The following GPR137C variants were observed in gnomAD, a reference collection of about 807,000 sequenced individuals.
GPR137C encodes integral membrane protein GPR137C.
A neutral mutation model predicts 43.4 loss-of-function variants in GPR137C; 27 were observed. The ratio of observed to expected loss-of-function variants is 0.62; its 90% CI spans 0.46 to 0.86. The LOEUF (loss-of-function observed/expected upper bound fraction) is 0.86, where lower values mean the gene tolerates loss of function less well. GPR137C is among the 40% of genes least tolerant of loss of function. The pLI, the probability that GPR137C is intolerant of heterozygous loss-of-function variation, is 0.00. For missense variants in GPR137C, 522 were observed against 534.6 expected, an observed-to-expected ratio of 0.98 and a Z score of 0.23; for synonymous variants, 285 against 226.9, an observed-to-expected ratio of 1.26 and a Z score of -2.30.
chr14:52,567,291 T>C (rs547674909), intron 1 of GPR137C, among the ~76,000 whole-genome samples: 47 of 152,262 alleles, frequency 3.1e-4, no homozygotes, highest in African/African-American at 1.0e-3. Context: ...ATACTTTAAA[T>C]AGCAGAACAT....
intron 1 of GPR137C, among the ~76,000 whole-genome samples, chr14:52,569,021 C>T (rs765984321): frequency 1.3e-5 from 2 of 152,168 alleles, no homozygotes; most frequent in African/African-American, 2.4e-5. Context: ...CAGCAAGGGG[C>T]GACAGACACC....
At chr14:52,585,961 C>T (rs1395733927) in intron 1 of GPR137C, among the ~76,000 whole-genome samples, 1 of 152,194 alleles carries the variant, frequency 6.6e-6, no homozygotes, top group African/African-American at 2.4e-5. Flanking sequence ...CCCCCAAATT[C>T]ATAGGGCAGC....
intron 1 of GPR137C, among the ~76,000 whole-genome samples, chr14:52,554,529 A>G (rs576571267): frequency 5.9e-5 from 9 of 152,174 alleles, no homozygotes; most frequent in Non-Finnish European, 1.3e-4. Flanking sequence ...TTAAGCCATA[A>G]TATTTTAAGA....
chr14:52,562,874 G>A (rs1025071771), intron 1 of GPR137C, among the ~76,000 whole-genome samples: 4 of 152,168 alleles, frequency 2.6e-5, no homozygotes, highest in African/African-American at 9.7e-5. Flanking sequence ...TGAATCTTAA[G>A]AGTAGTAAAA....
At chr14:52,574,921 G>A (rs1242281668) in intron 1 of GPR137C, among the ~76,000 whole-genome samples, 1 of 152,104 alleles carries the variant, frequency 6.6e-6, no homozygotes, top group Non-Finnish European at 1.5e-5. Context: ...TGAAAAATCA[G>A]TAATATACAA....
chr14:52,576,406 A>G (rs1314246720), intron 1 of GPR137C, among the ~76,000 whole-genome samples: 1 of 152,182 alleles, frequency 6.6e-6, no homozygotes, highest in Non-Finnish European at 1.5e-5. Flanking sequence ...CTTTGCTATT[A>G]TGAATAGTGC....
rs142913783 is a variant in GPR137C, at chr14:52,605,632, A to G, written c.717+5291A>G. Among the ~76,000 whole-genome samples the G allele has an allele frequency of 3.3e-3, 500 of 152,334 alleles. 2 individuals are homozygous for G. The highest frequency in any genetic ancestry group is 0.011 in the African/African-American group (472 of 41,578). Reference sequence around the variant, plus strand: ...GCATCCTTATGTTGTTCCAGATTTTAGTGGAAAGGCTTTCAATTTTTCCCC... The same window carrying G: ...GCATCCTTATGTTGTTCCAGATTTTGGTGGAAAGGCTTTCAATTTTTCCCC... On this transcript the variant is annotated intron_variant, in intron 3 of 6. Transcript: ENST00000321662.
intron 1 of GPR137C, among the ~76,000 whole-genome samples, chr14:52,560,397 G>A (rs944277002): frequency 6.6e-6 from 1 of 152,152 alleles, no homozygotes; most frequent in Non-Finnish European, 1.5e-5. Flanking sequence ...TATTTTGGTA[G>A]CTGTTGCCAA....
At chr14:52,566,621 T>C (rs1007062299) in intron 1 of GPR137C, among the ~76,000 whole-genome samples, 4 of 152,226 alleles carry the variant, frequency 2.6e-5, no homozygotes, top group African/African-American at 7.2e-5. Flanking sequence ...ATAGAGCATA[T>C]ATACTTGGCA....
chr14:52,614,401 G>A (rs1466833918), intron 3 of GPR137C, among the ~76,000 whole-genome samples: 2 of 152,132 alleles, frequency 1.3e-5, no homozygotes, highest in East Asian at 3.9e-4. Flanking sequence ...GATTACAGGT[G>A]TGAGCCATGA....
chr14:52,592,597 T>A (rs2038798516), intron 1 of GPR137C, among the ~76,000 whole-genome samples: 2 of 152,230 alleles, frequency 1.3e-5, no homozygotes, highest in South Asian at 4.1e-4. Flanking sequence ...GTAACAATTG[T>A]GAATGGGAAT....
At chr14:52,623,081 A>G (rs150418785) in intron 3 of GPR137C, among the ~76,000 whole-genome samples, 2 of 152,260 alleles carry the variant, frequency 1.3e-5, no homozygotes, top group East Asian at 3.9e-4. Flanking sequence ...TTTTGGTACC[A>G]CTTGTGTTTC....
intron 5 of GPR137C, 76 bp from the exon 6 acceptor site, chr14:52,633,752 A>AATT: frequency 6.5e-7 from 1 of 1,534,496 alleles, no homozygotes; most frequent in South Asian, 1.2e-5. Context: ...TAAGACTAAA[A>AATT]ATTATTATAG....
At chr14:52,583,551 G>T (rs1951448) in intron 1 of GPR137C, among the ~76,000 whole-genome samples, 74,456 of 151,966 alleles carry the variant, frequency 0.49, 18,821 homozygotes, top group East Asian at 0.7. Context: ...ACCGATTCTT[G>T]TCTTCACATG....
At chr14:52,561,938 C>T (rs190879924) in intron 1 of GPR137C, among the ~76,000 whole-genome samples, 2 of 152,238 alleles carry the variant, frequency 1.3e-5, no homozygotes, top group East Asian at 1.9e-4. Flanking sequence ...CAGAATTGTA[C>T]ACCTTAAATG....
rs2038518109 is a variant in GPR137C, at chr14:52,574,339, C to A, written c.444+20748C>A. 2.0e-5 allele frequency among the ~76,000 whole-genome samples: 3 copies of A among 152,130 alleles called. No homozygotes were observed. In the South Asian group the frequency reaches 6.2e-4, roughly 32 times the overall value. ...AACCCAAATGCCCATCAATGATAGA[C>A]TGGATAAAGAAAATGTGGCACATAT... is the stretch of plus-strand genomic sequence containing the variant. On this transcript the variant is annotated intron_variant, in intron 1 of 6. Coordinates refer to ENST00000321662, the MANE Select transcript of GPR137C (RefSeq NM_001099652.2).
Position 52,553,217 on chromosome 14 carries a change from G to C in GPR137C, c.70G>C (p.Gly24Arg). Residue 24 changes from glycine to arginine, a missense_variant, in exon 1 of 7, where the codon GGC (glycine) becomes CGC (arginine). By Grantham distance (125) the Gly-to-Arg change is moderately radical. Transcript: ENST00000321662. ...PAAGREPSTP[G>R]GGSGGGGAVA... is the part of the protein sequence containing the mutation. ...AGCCGGCCGCGAGCCCTCCACGCCC[G>C]GCGGGGGCAGCGGAGGCGGAGGCGC... The C allele has an allele frequency of 7.9e-7, 1 of 1,268,752 alleles. No individual in the cohort carries two copies. Among genetic ancestry groups the C allele is most frequent in the Non-Finnish European group, 9.9e-7 (1 of 1,008,386 alleles). 78.6% of individuals were successfully genotyped at this position (1,268,752 alleles called of 1,614,324 possible). A position where few individuals can be genotyped will look rare whatever the true frequency, so the allele number is the denominator to read the frequency against.
intron 3 of GPR137C, among the ~76,000 whole-genome samples, chr14:52,620,909 A>G (rs2039153141): frequency 6.6e-6 from 1 of 152,014 alleles, no homozygotes; most frequent in Admixed American, 6.6e-5. Context: ...CTGTAATAAA[A>G]CAGACAGAAG....
chr14:52,564,685 T>C (rs746201449), intron 1 of GPR137C, among the ~76,000 whole-genome samples: 21 of 152,154 alleles, frequency 1.4e-4, no homozygotes, highest in Non-Finnish European at 2.6e-4. Flanking sequence ...TGTGACTTTT[T>C]TGTGTGAGCT....
Sources: gnomAD v4.1 joint callset for allele counts (sites outside exome capture counted in the v4.1 genomes callset) on GRCh38, gnomAD v4.1.1 for gene constraint, MANE v1.5 for transcripts, NCBI Gene and HGNC (gene_info 2026-07-23, HGNC 2026-07-21) for gene names.